The following TIE1 variants were observed in gnomAD, a reference collection of about 807,000 sequenced individuals.
TIE1 encodes the protein tyrosine kinase with immunoglobulin like and EGF like domains 1, also known as tyrosine-protein kinase receptor Tie-1.
TIE1 carries 89 observed loss-of-function variants against 130.5 expected under a neutral mutation model. The ratio of observed to expected loss-of-function variants is 0.68; its 90% CI spans 0.57 to 0.81. TIE1 has a LOEUF of 0.81. Among genes scored for constraint, TIE1 ranks in the 40% least tolerant of loss-of-function variants. TIE1 has a pLI of 0.00. For missense variants in TIE1, 1,392 were observed against 1,559.8 expected (o/e 0.89, Z 1.81); for synonymous variants, 568 against 629.4 (o/e 0.90, Z 1.46).
chr1:43,309,500 A>T lies in TIE1; in HGVS notation c.1301A>T (p.Gln434Leu), dbSNP rs201349164. 2 of 1,601,088 alleles carry T rather than the reference A, an allele frequency of 1.2e-6. No individual in the cohort carries two copies. Among genetic ancestry groups the T allele is most frequent in the Non-Finnish European group, 1.7e-6 (2 of 1,175,384 alleles). ...TGCCGTGTGTCCACATCTGGCGGCC[A>T]AGACAGCCGGCGCTTCAAGGTCAAT... is the stretch of plus-strand genomic sequence containing the variant. ...WECRVSTSGG[Q>L]DSRRFKVNVK... is the part of the protein sequence containing the mutation. Residue 434 changes from glutamine (Q) to leucine (L), a missense_variant, in exon 9 of 23, where the codon CAA (glutamine) becomes CTA (leucine). Coordinates refer to ENST00000372476, the MANE Select transcript of TIE1 (RefSeq NM_005424.5). This position sits in a 1 kb window ranked among gnomAD's most constrained non-coding sequence, Gnocchi z 6.3.
chr1:43,321,515 TC>T, intron 21 of TIE1, 23 bp downstream of exon 21: 1 of 1,596,932 alleles, frequency 6.3e-7, no homozygotes, highest in Non-Finnish European at 8.5e-7. Context: ...ATCCTTGAGC[TC>T]CATGATCCTA....
rs1320945056 is a variant in TIE1, at chr1:43,308,999, G to A, written c.1056G>A (p.Gln352=). The A allele has an allele frequency of 6.2e-7, 1 of 1,614,028 alleles. No individual in the cohort carries two copies. Among genetic ancestry groups the A allele is most frequent in the Non-Finnish European group, 8.5e-7 (1 of 1,179,958 alleles). The change falls in exon 8 of 23, where the codon CAG becomes CAA. Residue 352 remains glutamine (Q), a synonymous_variant. Transcript: ENST00000372476. The stretch of plus-strand genomic sequence containing the variant: ...CTTTCTCCCCAGACCGGATCCCCCA[G>A]ATCCTCAACATGGCCTCAGAACTGG... The part of the protein sequence containing the change: ...VHCEKSDRIP[Q]ILNMASELEF...
Position 43,318,459 on chromosome 1 carries a change from A to G in TIE1, c.2922+387A>G, listed in dbSNP as rs998004859. Among the ~76,000 whole-genome samples the G allele has an allele frequency of 1.3e-5, 2 of 151,524 alleles. No individual in the cohort carries two copies. The highest frequency in any genetic ancestry group is 4.8e-5 in the African/African-American group (2 of 41,300). ...TCAACTCAGGCCTGAATGAGAGGAC[A>G]GGGGGATGACTGTCCAGGGGAGTGT... is the stretch of plus-strand genomic sequence containing the variant. On this transcript the variant is annotated intron_variant, in intron 17 of 22. Coordinates refer to ENST00000372476, the MANE Select transcript of TIE1 (RefSeq NM_005424.5). The surrounding 1 kb of genome is among the most constrained non-coding windows in gnomAD (Gnocchi z 4.4).
In TIE1 at chr1:43,312,536, A is replaced by G. The variant is rs1254100248; in HGVS notation, c.1862A>G (p.Gln621Arg). The change falls in exon 12 of 23, where the codon CAG (glutamine) becomes CGG (arginine). Residue 621 changes from glutamine (Q) to arginine (R), a missense_variant. Physicochemically the swap from Gln to Arg is conservative, Grantham distance 43. Transcript: ENST00000372476. The surrounding 1 kb of genome is among the most constrained non-coding windows in gnomAD (Gnocchi z 5.6). The part of the protein sequence containing the change: ...TPGTHYQLDV[Q>R]LYHCTLLGPA... Reference sequence around the variant, plus strand: ...GGCACCCACTACCAGCTGGATGTGCAGCTCTACCACTGCACCCTCCTGGGC... The same window carrying G: ...GGCACCCACTACCAGCTGGATGTGCGGCTCTACCACTGCACCCTCCTGGGC... The G allele has an allele frequency of 6.2e-7, 1 of 1,613,502 alleles. No homozygotes were observed. The highest frequency in any genetic ancestry group is 8.5e-7 in the Non-Finnish European group (1 of 1,179,874).
Position 43,313,543 on chromosome 1 carries a change from G to C in TIE1, c.2218+118G>C. The C allele has an allele frequency of 7.5e-7, 1 of 1,335,778 alleles. No homozygotes were observed. Among genetic ancestry groups the C allele is most frequent in the Non-Finnish European group, 1.0e-6 (1 of 976,434 alleles). The allele number at this position is 1,335,778 out of a possible 1,614,324, so 82.7% of individuals were successfully genotyped here. A position where few individuals can be genotyped will look rare whatever the true frequency, so the allele number is the denominator to read the frequency against. On this transcript the variant is annotated intron_variant, in intron 13 of 22. Coordinates refer to ENST00000372476, the MANE Select transcript of TIE1 (RefSeq NM_005424.5). This position sits in a 1 kb window ranked among gnomAD's most constrained non-coding sequence, Gnocchi z 6.2. ...GGCATCCCAGGCCCCTCCTGACAAA[G>C]AGTCAGCCCCAGTCCTGGGGACTCA...
intron 14 of TIE1, 112 bp downstream of exon 14, chr1:43,314,080 T>A (rs1307374414): frequency 8.6e-7 from 1 of 1,158,350 alleles, no homozygotes; most frequent in Admixed American, 1.9e-5. Flanking sequence ...TGTGTGTTTA[T>A]GTTGCAGGTA....
rs1646812188 is a variant in TIE1 at position 43,312,704 on chromosome 1, A to G, written c.1927+103A>G. The G allele has an allele frequency of 7.4e-7, 1 of 1,347,888 alleles. No individual in the cohort carries two copies. The highest frequency in any genetic ancestry group is 1.0e-6 in the Non-Finnish European group (1 of 996,146). The allele number at this position is 1,347,888 out of a possible 1,614,324, so 83.5% of individuals were successfully genotyped here. A position where few individuals can be genotyped will look rare whatever the true frequency, so the allele number is the denominator to read the frequency against. On this transcript the variant is annotated intron_variant, in intron 12 of 22. Coordinates refer to ENST00000372476, the MANE Select transcript of TIE1 (RefSeq NM_005424.5). The surrounding 1 kb of genome is among the most constrained non-coding windows in gnomAD (Gnocchi z 5.6). ...GGGAGGCTGTAGGAGATTAATGGAC[A>G]TGGAGAGGACACAGGACACACATAG...
At position 43,319,695 on chromosome 1, in the gene TIE1, G is replaced by A. The variant is rs183279512; in HGVS notation, c.3107+166G>A. ...GGTATAAAGTACCTAGCCAAGGTGG[G>A]GCTTGCTGGAAGGAGTCTTGGAAGG... On this transcript the variant is annotated intron_variant, in intron 19 of 22. Transcript: ENST00000372476. This position sits in a 1 kb window ranked among gnomAD's most constrained non-coding sequence, Gnocchi z 4.7. The A allele has an allele frequency of 3.0e-6, 2 of 677,104 alleles. No individual in the cohort carries two copies. Among genetic ancestry groups the A allele is most frequent in the Admixed American group, 2.6e-5 (1 of 38,166 alleles). The allele number at this position is 677,104 out of a possible 1,614,324, so 41.9% of individuals were successfully genotyped here. A position where few individuals can be genotyped will look rare whatever the true frequency, so the allele number is the denominator to read the frequency against.
rs1285402123 is a variant in TIE1 at position 43,312,607 on chromosome 1, TGC to T, written c.1927+7_1927+8del. On this transcript the variant is annotated splice_region_variant and intron_variant, in intron 12 of 22. Coordinates refer to ENST00000372476, the MANE Select transcript of TIE1 (RefSeq NM_005424.5). This position sits in a 1 kb window ranked among gnomAD's most constrained non-coding sequence, Gnocchi z 5.6. ...CGTGCTTCTGCCCCCCAGTGGTATG[TGC>T]AAGGCGCAAGGATAGCTGGGGGTTG... is the stretch of plus-strand genomic sequence containing the variant. 1 of 1,591,234 alleles carries T rather than the reference TGC, an allele frequency of 6.3e-7. No homozygotes were observed. Among genetic ancestry groups the T allele is most frequent in the African/African-American group, 1.3e-5 (1 of 74,524 alleles).
In TIE1 at chr1:43,323,028, C is replaced by G. The variant is rs1390952391; in HGVS notation, c.*306C>G. 7.6e-6 allele frequency: 3 copies of G among 394,786 alleles called. No homozygotes were observed. Among genetic ancestry groups the G allele is most frequent in the Non-Finnish European group, 1.4e-5 (3 of 214,706 alleles). 24.5% of individuals were successfully genotyped at this position (394,786 alleles called of 1,614,324 possible). On this transcript the variant is annotated 3_prime_UTR_variant, in exon 23 of 23. Transcript: ENST00000372476. ...CAGCTCCTTCGCTTAAGCCAGCACT[C>G]ACACCACTAACATGCCCTGTTCAGC...
At position 43,312,475 on chromosome 1, in the gene TIE1, C is replaced by G; in HGVS notation, c.1801C>G (p.Gln601Glu). The part of the protein sequence containing the change: ...QERRENVSSP[Q>E]ARTALLTGLT... ...GCGGCGGGAGAACGTCTCATCCCCC[C>G]AGGCCCGCACTGCCCTCCTGACGGG... The change falls in exon 12 of 23, where the codon CAG becomes GAG. Residue 601 changes from glutamine (Q) to glutamate (E), a missense_variant. By Grantham distance (29) the Gln-to-Glu change is conservative (BLOSUM62 2). This residue lies in a region of TIE1 where 551 missense variants were observed against 565.5 expected (regional missense o/e 0.97). Transcript: ENST00000372476. This position sits in a 1 kb window ranked among gnomAD's most constrained non-coding sequence, Gnocchi z 5.6. 1 of 1,612,292 alleles carries G rather than the reference C, an allele frequency of 6.2e-7. No homozygotes were observed. Among genetic ancestry groups the G allele is most frequent in the Non-Finnish European group, 8.5e-7 (1 of 1,179,818 alleles).
Position 43,313,477 on chromosome 1 carries a change from A to G in TIE1, c.2218+52A>G. Reference sequence around the variant, plus strand: ...CCCGGGCTCTGAGCGGGGAGAGCTCAGCACGCTCTCCTTCCACATCACCCC... The same window carrying G: ...CCCGGGCTCTGAGCGGGGAGAGCTCGGCACGCTCTCCTTCCACATCACCCC... On this transcript the variant is annotated intron_variant, in intron 13 of 22. Transcript: ENST00000372476. The surrounding 1 kb of genome is among the most constrained non-coding windows in gnomAD (Gnocchi z 6.2). 6.3e-7 allele frequency: 1 copy of G among 1,592,794 alleles called. No homozygotes were observed. The highest frequency in any genetic ancestry group is 1.1e-5 in the South Asian group (1 of 89,642).
rs747165803 is a variant in TIE1, at chr1:43,312,498, G to A, written c.1824G>A (p.Thr608=). Residue 608 remains threonine, a synonymous_variant, in exon 12 of 23, where the codon ACG becomes ACA. Transcript: ENST00000372476. The surrounding 1 kb of genome is among the most constrained non-coding windows in gnomAD (Gnocchi z 5.6). ...SSPQARTALL[T]GLTPGTHYQL... is the part of the protein sequence containing the mutation. ...CCCAGGCCCGCACTGCCCTCCTGAC[G>A]GGACTCACGCCTGGCACCCACTACC... is the stretch of plus-strand genomic sequence containing the variant. 1.4e-5 allele frequency: 23 copies of A among 1,612,766 alleles called. No homozygotes were observed. The highest frequency in any genetic ancestry group is 9.3e-5 in the African/African-American group (7 of 74,896).
chr1:43,318,050 T>G lies in TIE1; in HGVS notation c.2900T>G (p.Met967Arg). Residue 967 changes from methionine (M) to arginine (R), a missense_variant, in exon 17 of 23, where the codon ATG (methionine) becomes AGG (arginine). Met to Arg is a moderately conservative substitution (Grantham distance 91, BLOSUM62 -1). Coordinates refer to ENST00000372476, the MANE Select transcript of TIE1 (RefSeq NM_005424.5). The surrounding 1 kb of genome is among the most constrained non-coding windows in gnomAD (Gnocchi z 4.4). ...LRFASDAANG[M>R]QYLSEKQFIH... Reference sequence around the variant, plus strand: ...TTCGCCAGTGATGCGGCCAATGGCATGCAGTACCTGAGTGAGAAGCAGGTG... The same window carrying G: ...TTCGCCAGTGATGCGGCCAATGGCAGGCAGTACCTGAGTGAGAAGCAGGTG... The G allele has an allele frequency of 6.4e-7, 1 of 1,568,448 alleles. No individual in the cohort carries two copies. Among genetic ancestry groups the G allele is most frequent in the Non-Finnish European group, 8.6e-7 (1 of 1,156,794 alleles).
chr1:43,321,373 G>A (rs367577841), intron 20 of TIE1, 23 bp from the exon 21 acceptor site: 45 of 1,613,818 alleles, frequency 2.8e-5, no homozygotes, highest in Non-Finnish European at 3.1e-5. Context: ...CCTGGACCGA[G>A]AGCACTTTGT....
rs551824511 is a variant in TIE1 at position 43,307,855 on chromosome 1, G to A, written c.973G>A (p.Gly325Ser). The A allele has an allele frequency of 4.3e-6, 7 of 1,614,176 alleles. No individual in the cohort carries two copies. In the South Asian group the frequency reaches 7.7e-5, roughly 18 times the overall value. ...CRLQCQCQNGGTCDRFSGCVC... is the reference protein window; with the variant it reads ...CRLQCQCQNGSTCDRFSGCVC... Reference sequence around the variant, plus strand: ...ACTCCAGTGCCAGTGTCAGAATGGTGGCACTTGTGACCGGTTCAGTGGTTG... The same window carrying A: ...ACTCCAGTGCCAGTGTCAGAATGGTAGCACTTGTGACCGGTTCAGTGGTTG... Residue 325 changes from glycine (G) to serine (S), a missense_variant, in exon 7 of 23, where the codon GGC becomes AGC. Gly to Ser is a moderately conservative substitution (Grantham distance 56, BLOSUM62 0). This residue lies in a region of TIE1 where 28 missense variants were observed against 54.7 expected (regional missense o/e 0.51). Transcript: ENST00000372476. The surrounding 1 kb of genome is among the most constrained non-coding windows in gnomAD (Gnocchi z 5.4).
intron 1 of TIE1, among the ~76,000 whole-genome samples, chr1:43,303,995 A>G (rs554523545): frequency 4.6e-5 from 7 of 152,330 alleles, no homozygotes; most frequent in African/African-American, 1.7e-4. Flanking sequence ...AAGGCAAACA[A>G]AGACCAAGAC....
Position 43,315,464 on chromosome 1 carries a change from G to T in TIE1, c.2409+1496G>T, listed in dbSNP as rs1331431335. Among the ~76,000 whole-genome samples, 1 of 152,072 alleles carries T rather than the reference G, an allele frequency of 6.6e-6. No individual in the cohort carries two copies. Among genetic ancestry groups the T allele is most frequent in the Non-Finnish European group, 1.5e-5 (1 of 68,012 alleles). On this transcript the variant is annotated intron_variant, in intron 14 of 22. Transcript: ENST00000372476. This position sits in a 1 kb window ranked among gnomAD's most constrained non-coding sequence, Gnocchi z 4.4. ...GAGGTCAGGAGTTCAAGACCAGCCT[G>T]CCCAGTTGGTGAAACCCCATCTCTA...
rs1224901265 is a variant in TIE1 at position 43,316,775 on chromosome 1, A to T, written c.2410-424A>T. ...CTGGTGACCCCCAACAACAACAACA[A>T]CAAAAAGCCTGGTTGTAGGATTAGC... On this transcript the variant is annotated intron_variant, in intron 14 of 22. Transcript: ENST00000372476. This position sits in a 1 kb window ranked among gnomAD's most constrained non-coding sequence, Gnocchi z 4.4. Among the ~76,000 whole-genome samples, 2 of 152,122 alleles carry T rather than the reference A, an allele frequency of 1.3e-5. No homozygotes were observed. The highest frequency in any genetic ancestry group is 2.9e-5 in the Non-Finnish European group (2 of 68,000).
Sources: gnomAD v4.1 joint callset for allele counts (sites outside exome capture counted in the v4.1 genomes callset) on GRCh38, gnomAD v4.1.1 for gene constraint, gnomAD v4.1.1 regional missense constraint, Gnocchi (gnomAD v3.1) non-coding constraint, MANE v1.5 for transcripts, NCBI Gene and HGNC (gene_info 2026-07-23, HGNC 2026-07-21) for gene names.